Variants in CDKN2B-AS1 observed in about 807,000 individuals in gnomAD.
CDKN2B-AS1 encodes the protein CDKN2B antisense RNA 1 (non-protein coding).
Position 22,124,881 on chromosome 9 carries a change from C to T in CDKN2B-AS1, n.439-2222C>T, listed in dbSNP as rs1236141360. The stretch of plus-strand genomic sequence containing the variant: ...AATCAATCTTTTAAAGCAAACACAC[C>T]ACAATGTCTACACGCAAATGAGAAT... On this transcript the variant is annotated intron_variant and non_coding_transcript_variant, in intron 4 of 4. Transcript: ENST00000650946. 2.0e-5 allele frequency among the ~76,000 whole-genome samples: 3 copies of T among 152,090 alleles called. No individual in the cohort carries two copies. The South Asian group carries it at 6.2e-4, about 32-fold the overall frequency.
intron 4 of CDKN2B-AS1, among the ~76,000 whole-genome samples, chr9:22,056,757 C>T (rs1412680983): frequency 6.6e-6 from 1 of 152,178 alleles, no homozygotes; most frequent in African/African-American, 2.4e-5. Flanking sequence ...CATCTACATC[C>T]AAGTGACCTC....
intron 1 of CDKN2B-AS1, among the ~76,000 whole-genome samples, chr9:22,021,750 G>C (rs1444525700): frequency 6.6e-6 from 1 of 152,030 alleles, no homozygotes; most frequent in Non-Finnish European, 1.5e-5. Flanking sequence ...AAGATAGTTT[G>C]ACTTCCTCTC....
At chr9:22,090,484 C>A (rs1423049681) in intron 4 of CDKN2B-AS1, among the ~76,000 whole-genome samples, 1 of 152,192 alleles carries the variant, frequency 6.6e-6, no homozygotes, top group Admixed American at 6.5e-5. Flanking sequence ...TCCTCTCCAG[C>A]ACCTGTTGTT....
intron 4 of CDKN2B-AS1, among the ~76,000 whole-genome samples, chr9:22,079,278 G>A (rs1441274260): frequency 2.6e-5 from 4 of 152,204 alleles, no homozygotes; most frequent in Non-Finnish European, 4.4e-5. Flanking sequence ...GAGGTCAGGA[G>A]TTCGAGACCA....
At chr9:22,046,027 T>A (rs1004762287) in intron 1 of CDKN2B-AS1, among the ~76,000 whole-genome samples, 3 of 152,148 alleles carry the variant, frequency 2.0e-5, no homozygotes, top group African/African-American at 7.2e-5. Context: ...GAAGAAAATT[T>A]GGGACAACCT....
At chr9:22,016,837 C>G (rs1821785349) in intron 1 of CDKN2B-AS1, among the ~76,000 whole-genome samples, 1 of 152,164 alleles carries the variant, frequency 6.6e-6, no homozygotes, top group Admixed American at 6.5e-5. Flanking sequence ...TCAAAGGTGA[C>G]TAATGATTTT....
chr9:22,086,144 T>A (rs1587511030), intron 4 of CDKN2B-AS1, among the ~76,000 whole-genome samples: 1 of 152,164 alleles, frequency 6.6e-6, no homozygotes, highest in Non-Finnish European at 1.5e-5. Flanking sequence ...AAAATCTCAA[T>A]GTGGTAGAGT....
At position 22,037,172 on chromosome 9, in the gene CDKN2B-AS1, G is replaced by C. The variant is rs17694478; in HGVS notation, n.30-9579G>C. ...GGTTGTTCAAGAAATGTGTGTTAGA[G>C]AAATCATACATAAACTAGCAATTCT... On this transcript the variant is annotated intron_variant and non_coding_transcript_variant, in intron 1 of 4. Coordinates refer to ENST00000650946, the Ensembl canonical transcript of CDKN2B-AS1. Among the ~76,000 whole-genome samples, 1,091 of 152,168 alleles carry C rather than the reference G, an allele frequency of 7.2e-3. 8 individuals carry two copies. Among genetic ancestry groups the C allele is most frequent in the South Asian group, 0.023 (110 of 4,824 alleles).
rs1394451113 is a variant in CDKN2B-AS1 at position 22,001,722 on chromosome 9, A to G, written n.29+6561A>G. On this transcript the variant is annotated intron_variant and non_coding_transcript_variant, in intron 1 of 4. Coordinates refer to ENST00000650946, the Ensembl canonical transcript of CDKN2B-AS1. The surrounding 1 kb of genome is among the most constrained non-coding windows in gnomAD (Gnocchi z 4.2). ...TGACATTAAAATCTTCTGAGTAGGG[A>G]ATTTAAGAGGCAAGAAAGGAGTAAT... Among the ~76,000 whole-genome samples, 1 of 152,062 alleles carries G rather than the reference A, an allele frequency of 6.6e-6. No individual in the cohort carries two copies. The highest frequency in any genetic ancestry group is 2.1e-4 in the South Asian group (1 of 4,830).
chr9:22,048,649 A>G (rs1324347523), intron 2 of CDKN2B-AS1, among the ~76,000 whole-genome samples: 2 of 152,104 alleles, frequency 1.3e-5, no homozygotes, highest in African/African-American at 4.8e-5. Context: ...CCAGTCACCA[A>G]TCCAATCCAT....
At chr9:22,009,420 C>T (rs199656331) in intron 1 of CDKN2B-AS1, 9 of 298,742 alleles carry the variant, frequency 3.0e-5, no homozygotes, top group Admixed American at 9.7e-5. Context: ...CAGGCCCGGG[C>T]CGACGCGTCA....
chr9:22,084,421 T>C (rs1179001768), intron 4 of CDKN2B-AS1, among the ~76,000 whole-genome samples: 3 of 152,346 alleles, frequency 2.0e-5, no homozygotes, highest in East Asian at 3.9e-4. Context: ...TCTTGAGAAA[T>C]TGGCCATGTA....
At chr9:22,056,073 C>G (rs1823553560) in intron 3 of CDKN2B-AS1, among the ~76,000 whole-genome samples, 1 of 144,870 alleles carries the variant, frequency 6.9e-6, no homozygotes, top group Admixed American at 7.0e-5. Context: ...GAGACGGAGT[C>G]TTGCAGTGTC....
At chr9:22,043,698 G>A (rs1484950741) in intron 1 of CDKN2B-AS1, among the ~76,000 whole-genome samples, 1 of 151,806 alleles carries the variant, frequency 6.6e-6, no homozygotes, top group Non-Finnish European at 1.5e-5. Flanking sequence ...ATACTATTAT[G>A]CTTCTGAAAA....
chr9:22,001,007 T>TA lies in CDKN2B-AS1; in HGVS notation n.29+5847dup, dbSNP rs1240558601. ...GGAATTATCAGGGAGACCCAGTTTTTAGCCAAGACTAAAAGGTTTTAGCCA... is the reference window on the plus strand; with the variant it reads ...GGAATTATCAGGGAGACCCAGTTTTTAAGCCAAGACTAAAAGGTTTTAGCCA... On this transcript the variant is annotated intron_variant and non_coding_transcript_variant, in intron 1 of 4. Transcript: ENST00000650946. The surrounding 1 kb of genome is among the most constrained non-coding windows in gnomAD (Gnocchi z 4.2). Among the ~76,000 whole-genome samples, 1 of 152,126 alleles carries TA rather than the reference T, an allele frequency of 6.6e-6. No homozygotes were observed. The highest frequency in any genetic ancestry group is 1.5e-5 in the Non-Finnish European group (1 of 67,988).
intron 4 of CDKN2B-AS1, among the ~76,000 whole-genome samples, chr9:22,102,929 A>C (rs1379676734): frequency 6.6e-6 from 1 of 152,094 alleles, no homozygotes; most frequent in African/African-American, 2.4e-5. Flanking sequence ...GAGATTATAG[A>C]CTATTAAGGT....
chr9:22,107,573 C>T (rs1270502505), intron 4 of CDKN2B-AS1, among the ~76,000 whole-genome samples: 1 of 152,180 alleles, frequency 6.6e-6, no homozygotes, highest in Non-Finnish European at 1.5e-5. Flanking sequence ...TTACAATGAT[C>T]ATTTGTATGT....
intron 3 of CDKN2B-AS1, among the ~76,000 whole-genome samples, chr9:22,055,465 G>A (rs2131289070): frequency 6.6e-6 from 1 of 152,244 alleles, no homozygotes; most frequent in South Asian, 2.1e-4. Context: ...AGTTTAAGTG[G>A]TTTTTAAAAT....
intron 4 of CDKN2B-AS1, among the ~76,000 whole-genome samples, chr9:22,105,670 G>C (rs1001592670): frequency 2.0e-5 from 3 of 152,172 alleles, no homozygotes; most frequent in African/African-American, 4.8e-5. Flanking sequence ...GTGGTTATAA[G>C]AGCCTGTCCA....
Sources: allele counts gnomAD v4.1 joint callset (sites outside exome capture counted in the v4.1 genomes callset), GRCh38; gene constraint gnomAD v4.1.1; non-coding constraint Gnocchi (gnomAD v3.1); transcripts MANE v1.5; gene names NCBI Gene and HGNC (gene_info 2026-07-23, HGNC 2026-07-21).